Variants in KAT2B observed in about 807,000 individuals in gnomAD.
KAT2B encodes the protein lysine acetyltransferase 2B, also known as histone acetyltransferase KAT2B.
Under a neutral mutation model 105.9 loss-of-function variants are expected in KAT2B, and 36 were observed. That is an observed-to-expected ratio of 0.34 (90% confidence interval 0.26 to 0.45). The LOEUF is 0.45. Ranked by LOEUF, KAT2B falls within the 20% of genes least tolerant of loss-of-function variation. The probability of loss-of-function intolerance (pLI) is 1.00; values close to 1 mark genes in which losing one functional copy is unlikely to be tolerated. For missense variants in KAT2B, 820 were observed against 1,021.6 expected, an observed-to-expected ratio of 0.80 and a Z score of 2.69; for synonymous variants, 397 against 377.9, an observed-to-expected ratio of 1.05 and a Z score of -0.59.
chr3:20,105,460 C>T (rs1423160524), intron 5 of KAT2B, among the ~76,000 whole-genome samples: 1 of 151,910 alleles, frequency 6.6e-6, no homozygotes, highest in Non-Finnish European at 1.5e-5. Flanking sequence ...AGCTTACCCC[C>T]ACACTGGGGA....
intron 2 of KAT2B, among the ~76,000 whole-genome samples, chr3:20,077,444 G>A (rs952358596): frequency 2.6e-5 from 4 of 152,154 alleles, no homozygotes; most frequent in Non-Finnish European, 4.4e-5. Context: ...GAATGAAATG[G>A]TTGGTCTAGA....
At chr3:20,046,569 A>G (rs1697815588) in intron 1 of KAT2B, among the ~76,000 whole-genome samples, 1 of 152,166 alleles carries the variant, frequency 6.6e-6, no homozygotes. Flanking sequence ...TCTCAAAATA[A>G]TAATAATAAT....
intron 10 of KAT2B, among the ~76,000 whole-genome samples, chr3:20,126,658 A>G (rs989204405): frequency 6.6e-6 from 1 of 151,978 alleles, no homozygotes; most frequent in East Asian, 1.9e-4. Flanking sequence ...CCCCGTCTCT[A>G]CTAAAAATAC....
intron 11 of KAT2B, among the ~76,000 whole-genome samples, chr3:20,128,180 A>T (rs1699440786): frequency 6.6e-6 from 1 of 152,246 alleles, no homozygotes; most frequent in Non-Finnish European, 1.5e-5. Flanking sequence ...AGTCGATAGC[A>T]AATGAAGGGA....
At chr3:20,114,355 A>G (rs1699170256) in intron 6 of KAT2B, among the ~76,000 whole-genome samples, 1 of 152,212 alleles carries the variant, frequency 6.6e-6, no homozygotes. Flanking sequence ...CGTTATAAAG[A>G]TCAAGTGAGT....
intron 11 of KAT2B, among the ~76,000 whole-genome samples, chr3:20,134,623 G>A (rs974116704): frequency 6.6e-6 from 1 of 152,180 alleles, no homozygotes; most frequent in East Asian, 1.9e-4. Context: ...TGTTCAGGAT[G>A]GTCTCGATCT....
chr3:20,067,630 A>T (rs1247767219), intron 1 of KAT2B, among the ~76,000 whole-genome samples: 2 of 152,140 alleles, frequency 1.3e-5, no homozygotes, highest in African/African-American at 2.4e-5. Context: ...AGCCCATAGG[A>T]AGAAAAGTTT....
intron 11 of KAT2B, 34 bp downstream of exon 11, chr3:20,127,583 A>G: frequency 1.2e-6 from 2 of 1,602,914 alleles, no homozygotes; most frequent in Non-Finnish European, 1.7e-6. Flanking sequence ...GAAGAAGAGC[A>G]GAATGTGGGG....
At chr3:20,090,894 C>A (rs1035874972) in intron 2 of KAT2B, among the ~76,000 whole-genome samples, 3 of 151,996 alleles carry the variant, frequency 2.0e-5, no homozygotes, top group Non-Finnish European at 2.9e-5. Context: ...CATGTGACAC[C>A]ACACCTGCCT....
chr3:20,132,114 C>A (rs547072879), intron 11 of KAT2B, among the ~76,000 whole-genome samples: 1 of 152,194 alleles, frequency 6.6e-6, no homozygotes, highest in African/African-American at 2.4e-5. Flanking sequence ...GTGGCTCACA[C>A]CTGTAATCCC....
rs1381125830 is a variant in KAT2B at position 20,040,793 on chromosome 3, C to G, written c.303+13C>G. On this transcript the variant is annotated intron_variant, in intron 1 of 17. Coordinates refer to ENST00000263754, the MANE Select transcript of KAT2B (RefSeq NM_003884.5). ...CTCCGCCTGCAAGGTACGCGCTCGCCGCTCTCGGACCGCGGATGGGTGCTA... is the reference window on the plus strand; with the variant it reads ...CTCCGCCTGCAAGGTACGCGCTCGCGGCTCTCGGACCGCGGATGGGTGCTA... 6.3e-7 allele frequency: 1 copy of G among 1,581,512 alleles called. No individual in the cohort carries two copies. Among genetic ancestry groups the G allele is most frequent in the Non-Finnish European group, 8.6e-7 (1 of 1,168,530 alleles).
At chr3:20,133,805 G>A (rs927865415) in intron 11 of KAT2B, among the ~76,000 whole-genome samples, 3 of 152,154 alleles carry the variant, frequency 2.0e-5, no homozygotes, top group Non-Finnish European at 4.4e-5. Context: ...TACATAAACT[G>A]TAAACGTATT....
At chr3:20,075,395 C>A (rs1348066932) in intron 2 of KAT2B, among the ~76,000 whole-genome samples, 1 of 151,656 alleles carries the variant, frequency 6.6e-6, no homozygotes, top group Non-Finnish European at 1.5e-5. Flanking sequence ...ACTCTCTGAA[C>A]ACTAGCTGGA....
At chr3:20,087,540 A>AT (rs1698642450) in intron 2 of KAT2B, among the ~76,000 whole-genome samples, 1 of 152,100 alleles carries the variant, frequency 6.6e-6, no homozygotes, top group Non-Finnish European at 1.5e-5. Flanking sequence ...TCTGTTAGCA[A>AT]TTTTCAATTA....
intron 5 of KAT2B, among the ~76,000 whole-genome samples, chr3:20,104,381 A>C (rs1222372046): frequency 6.6e-6 from 1 of 152,144 alleles, no homozygotes; most frequent in African/African-American, 2.4e-5. Context: ...CCCCACCATC[A>C]CGTCATGTTG....
chr3:20,146,872 A>C (rs1051556597), intron 14 of KAT2B, among the ~76,000 whole-genome samples: 1 of 152,288 alleles, frequency 6.6e-6, no homozygotes, highest in Admixed American at 6.5e-5. Flanking sequence ...ACCATGTCTC[A>C]TTGCCACCAT....
chr3:20,059,909 C>A (rs1327430240), intron 1 of KAT2B, among the ~76,000 whole-genome samples: 2 of 152,126 alleles, frequency 1.3e-5, no homozygotes, highest in African/African-American at 4.8e-5. Context: ...TACCCCCCAC[C>A]CCAGATGACC....
At chr3:20,131,556 T>G (rs965992018) in intron 11 of KAT2B, among the ~76,000 whole-genome samples, 1 of 151,956 alleles carries the variant, frequency 6.6e-6, no homozygotes, top group Non-Finnish European at 1.5e-5. Context: ...AAGCAGAGGT[T>G]TTATTTTTAT....
At chr3:20,112,582 C>T (rs1699141110) in intron 6 of KAT2B, among the ~76,000 whole-genome samples, 2 of 152,076 alleles carry the variant, frequency 1.3e-5, no homozygotes, top group South Asian at 2.1e-4. Context: ...GCAGTAACAG[C>T]GAGAAATGAA....
Sources: gnomAD v4.1 joint callset for allele counts (sites outside exome capture counted in the v4.1 genomes callset) on GRCh38, gnomAD v4.1.1 for gene constraint, MANE v1.5 for transcripts, NCBI Gene and HGNC (gene_info 2026-07-23, HGNC 2026-07-21) for gene names.